The following KLHL5 variants were observed in gnomAD, a reference collection of about 807,000 sequenced individuals.
KLHL5 encodes kelch like family member 5, also known as kelch-like protein 5.
Under a neutral mutation model 77.7 loss-of-function variants are expected in KLHL5, and 48 were observed. The observed-to-expected ratio is 0.62, with a 90% CI of 0.49 to 0.79. KLHL5 has a LOEUF of 0.79. Among genes scored for constraint, KLHL5 ranks in the 30% least tolerant of loss-of-function variants. KLHL5 has a pLI of 0.00. For missense variants in KLHL5, 723 were observed against 859.7 expected (o/e 0.84, Z 1.99); for synonymous variants, 260 against 297.0 (o/e 0.88, Z 1.28).
At chr4:39,091,826 A>G (rs895942915) in intron 5 of KLHL5, among the ~76,000 whole-genome samples, 1 of 144,942 alleles carries the variant, frequency 6.9e-6, no homozygotes, top group African/African-American at 2.6e-5. Flanking sequence ...ACTGTGCCCC[A>G]TCACACATCT....
chr4:39,120,947 C>A, intron 10 of KLHL5, 63 bp from the exon 11 acceptor site: 1 of 1,233,912 alleles, frequency 8.1e-7, no homozygotes, highest in Non-Finnish European at 1.2e-6. Context: ...ATTTCACCAA[C>A]TGGCATAGTA....
intron 5 of KLHL5, among the ~76,000 whole-genome samples, chr4:39,091,464 A>G (rs1345820535): frequency 1.5e-5 from 1 of 65,044 alleles, no homozygotes; most frequent in Non-Finnish European, 3.2e-5. Context: ...AACCATGTGA[A>G]TAGAAATACA....
rs1723472732 is a variant in KLHL5, at chr4:39,125,302, A to T, written c.*4236A>T. Among the ~76,000 whole-genome samples, 1 of 152,230 alleles carries T rather than the reference A, an allele frequency of 6.6e-6. No individual in the cohort carries two copies. The highest frequency in any genetic ancestry group is 6.5e-5 in the Admixed American group (1 of 15,276). On this transcript the variant is annotated 3_prime_UTR_variant, in exon 11 of 11. Transcript: ENST00000504108. The stretch of plus-strand genomic sequence containing the variant: ...TTGGCAGTTCCTCAATAAGTTAAAA[A>T]AAAGAATTACCATATGACCCAGCAA...
In KLHL5 at chr4:39,125,318, G is replaced by T. The variant is rs867121223; in HGVS notation, c.*4252G>T. ...AAGTTAAAAAAAAGAATTACCATATGACCCAGCAAGTCCACTCCTGGGCAT... is the reference window on the plus strand; with the variant it reads ...AAGTTAAAAAAAAGAATTACCATATTACCCAGCAAGTCCACTCCTGGGCAT... On this transcript the variant is annotated 3_prime_UTR_variant, in exon 11 of 11. Transcript: ENST00000504108. Among the ~76,000 whole-genome samples the T allele has an allele frequency of 6.6e-6, 1 of 152,136 alleles. No homozygotes were observed.
chr4:39,074,585 G>T (rs78748396), intron 1 of KLHL5, among the ~76,000 whole-genome samples: 1 of 152,054 alleles, frequency 6.6e-6, no homozygotes, highest in African/African-American at 2.4e-5. Context: ...ATTCTCAGGC[G>T]GAAAAAAGAA....
intron 4 of KLHL5, among the ~76,000 whole-genome samples, chr4:39,083,533 T>C (rs1052334536): frequency 3.3e-5 from 5 of 152,208 alleles, no homozygotes; most frequent in African/African-American, 1.2e-4. Context: ...GATGATAATA[T>C]ATAGCCCTAG....
intron 1 of KLHL5, among the ~76,000 whole-genome samples, chr4:39,073,825 T>TA (rs1245029383): frequency 9.1e-6 from 1 of 109,414 alleles, no homozygotes; most frequent in Non-Finnish European, 2.1e-5. Context: ...TTTTTTTATT[T>TA]TTATTTTTTT....
chr4:39,117,862 G>T (rs572620848), intron 10 of KLHL5, among the ~76,000 whole-genome samples: 1 of 152,072 alleles, frequency 6.6e-6, no homozygotes, highest in Non-Finnish European at 1.5e-5. Context: ...ATCTTTTGGG[G>T]CCAGGAGTTC....
At chr4:39,063,495 C>A (rs1224646260) in intron 1 of KLHL5, 5 of 401,204 alleles carry the variant, frequency 1.2e-5, no homozygotes, top group East Asian at 1.4e-4. Flanking sequence ...ATTATAGTCA[C>A]CAATTTTTTG....
At chr4:39,126,554 G>T (rs1723556620), downstream of KLHL5, 1 of 353,586 alleles carries the variant, frequency 2.8e-6, no homozygotes, top group African/African-American at 2.1e-5. Flanking sequence ...TAATTATTTG[G>T]GCTAACGAGG....
chr4:39,100,916 T>C (rs925105368), intron 6 of KLHL5, among the ~76,000 whole-genome samples: 3 of 152,066 alleles, frequency 2.0e-5, no homozygotes, highest in African/African-American at 7.2e-5. Context: ...AGTCTGACCA[T>C]TGGACTCTTG....
At chr4:39,099,264 G>T (rs546188995) in intron 6 of KLHL5, among the ~76,000 whole-genome samples, 1 of 152,164 alleles carries the variant, frequency 6.6e-6, no homozygotes, top group African/African-American at 2.4e-5. Flanking sequence ...CCCCAGCCTG[G>T]GCAACAGAGC....
intron 4 of KLHL5, among the ~76,000 whole-genome samples, chr4:39,084,108 G>T (rs10033584): frequency 0.019 from 2,914 of 152,216 alleles, 102 homozygotes; most frequent in African/African-American, 0.066. Context: ...TCCAAAGGGG[G>T]AAAGGTCACA....
At chr4:39,077,887 A>G (rs1241004572) in intron 2 of KLHL5, among the ~76,000 whole-genome samples, 4 of 152,202 alleles carry the variant, frequency 2.6e-5, no homozygotes, top group East Asian at 1.9e-4. Context: ...ATGCCCATCA[A>G]TCAACAGGTG....
intron 1 of KLHL5, among the ~76,000 whole-genome samples, chr4:39,070,413 A>C (rs1343852804): frequency 6.6e-6 from 1 of 152,092 alleles, no homozygotes; most frequent in Non-Finnish European, 1.5e-5. Flanking sequence ...TGTTTATTTG[A>C]CCAGTATTCT....
At chr4:39,112,510 C>A (rs1235833837) in intron 8 of KLHL5, among the ~76,000 whole-genome samples, 2 of 152,120 alleles carry the variant, frequency 1.3e-5, no homozygotes, top group African/African-American at 4.8e-5. Context: ...CTCTGTGAAC[C>A]CTTGTTTCTT....
At chr4:39,109,715 A>G (rs1393128573) in intron 8 of KLHL5, among the ~76,000 whole-genome samples, 1 of 149,104 alleles carries the variant, frequency 6.7e-6, no homozygotes, top group Non-Finnish European at 1.5e-5. Context: ...GGCAGTGGGC[A>G]ATCTCAGCTC....
intron 1 of KLHL5, among the ~76,000 whole-genome samples, chr4:39,048,506 A>G (rs1462072721): frequency 6.6e-6 from 1 of 152,154 alleles, no homozygotes; most frequent in African/African-American, 2.4e-5. Context: ...TTTCTGTTAT[A>G]CTACATGCTG....
Position 39,122,661 on chromosome 4 carries a change from A to T in KLHL5, c.*1595A>T, listed in dbSNP as rs1265809552. Among the ~76,000 whole-genome samples the T allele has an allele frequency of 1.3e-5, 2 of 152,032 alleles. No homozygotes were observed. The highest frequency in any genetic ancestry group is 2.1e-4 in the South Asian group (1 of 4,818). ...TCTACTAAAAATAAAAAATAAAAAA[A>T]AATTAGCCAGGCGTGGTGGCGGGTG... On this transcript the variant is annotated 3_prime_UTR_variant, in exon 11 of 11. Transcript: ENST00000504108.
Sources: allele counts gnomAD v4.1 joint callset (sites outside exome capture counted in the v4.1 genomes callset), GRCh38; gene constraint gnomAD v4.1.1; transcripts MANE v1.5; gene names NCBI Gene and HGNC (gene_info 2026-07-23, HGNC 2026-07-21).